The following TFB1M variants were observed in gnomAD, a reference collection of about 807,000 sequenced individuals.
TFB1M encodes the protein transcription factor B1, mitochondrial.
A neutral mutation model predicts 31.1 loss-of-function variants in TFB1M; 27 were observed. That is an observed-to-expected ratio of 0.87 (90% CI 0.64 to 1.20). TFB1M has a LOEUF of 1.20. TFB1M is among the 50% of genes most tolerant of loss of function. TFB1M has a pLI of 0.00. For missense variants in TFB1M, 394 were observed against 418.7 expected, an observed-to-expected ratio of 0.94 and a Z score of 0.51; for synonymous variants, 166 against 151.8, an observed-to-expected ratio of 1.09 and a Z score of -0.69.
intron 2 of TFB1M, among the ~76,000 whole-genome samples, chr6:155,305,256 ATT>A (rs1332109013): frequency 2.5e-5 from 1 of 39,438 alleles, no homozygotes; most frequent in African/African-American, 1.1e-4. Context: ...TTATATATAT[ATT>A]AAATTATATA....
chr6:155,281,050 A>C (rs748556948), intron 5 of TFB1M, among the ~76,000 whole-genome samples: 2 of 152,234 alleles, frequency 1.3e-5, no homozygotes, highest in South Asian at 4.1e-4. Context: ...TATAAATTCT[A>C]TATATAGCTT....
intron 2 of TFB1M, among the ~76,000 whole-genome samples, chr6:155,302,053 G>C (rs1023609110): frequency 1.3e-5 from 2 of 152,122 alleles, no homozygotes; most frequent in Admixed American, 1.3e-4. Flanking sequence ...CTCTGCAGGG[G>C]GCAAGTAATT....
At position 155,296,965 on chromosome 6, in the gene TFB1M, C is replaced by G; in HGVS notation, c.534G>C (p.Lys178Asn). The G allele has an allele frequency of 6.2e-7, 1 of 1,613,916 alleles. No homozygotes were observed. Among genetic ancestry groups the G allele is most frequent in the Non-Finnish European group, 8.5e-7 (1 of 1,179,914 alleles). Residue 178 changes from lysine to asparagine, a missense_variant, in exon 4 of 7, where the codon AAG becomes AAC. Lys to Asn is a moderately conservative substitution (Grantham distance 94). Transcript: ENST00000367166. ...GRTQMTLTFQ[K>N]EVAERLAANT... ...TGTTAAAACTTACCTCTGCCACTTC[C>G]TTTTGAAAAGTCAAAGTCATCTGAG... is the stretch of plus-strand genomic sequence containing the variant.
At position 155,257,801 on chromosome 6, in the gene TFB1M, C is replaced by T. The variant is rs1784167930; in HGVS notation, c.*35G>A. ...ATAAGAAGCTCCACGTAGTGCAAAT[C>T]GACATCTGGTAGGCTGCTCGCCCCC... is the stretch of plus-strand genomic sequence containing the variant. On this transcript the variant is annotated 3_prime_UTR_variant, in exon 7 of 7. Coordinates refer to ENST00000367166, the MANE Select transcript of TFB1M (RefSeq NM_016020.4). 5 of 1,613,198 alleles carry T rather than the reference C, an allele frequency of 3.1e-6. No individual in the cohort carries two copies. Among genetic ancestry groups the T allele is most frequent in the South Asian group, 2.2e-5 (2 of 90,902 alleles).
chr6:155,251,667 T>C (rs1783662801), downstream of TFB1M, among the ~76,000 whole-genome samples: 1 of 152,234 alleles, frequency 6.6e-6, no homozygotes, highest in African/African-American at 2.4e-5. Flanking sequence ...CAGTATATTG[T>C]CACTGAGATG....
At chr6:155,243,846 CAAAAAAAAAAAAAA>C in the TFB1M span, among the ~76,000 whole-genome samples, 17 of 55,056 alleles carry the variant, frequency 3.1e-4, no homozygotes, top group African/African-American at 6.5e-4. Flanking sequence ...GACTCCGTCT[CAAAAAAAAAAAAAA>C]AAAAAAAAAA....
downstream of TFB1M, chr6:155,253,260 A>T (rs1328184633): frequency 6.0e-5 from 30 of 499,350 alleles, no homozygotes; most frequent in Admixed American, 2.4e-4. Flanking sequence ...TCTTTGCCAA[A>T]TGCCTTTCAT....
intron 2 of TFB1M, among the ~76,000 whole-genome samples, chr6:155,302,421 AGAC>A (rs1464640735): frequency 3.6e-4 from 55 of 152,216 alleles, no homozygotes; most frequent in Non-Finnish European, 6.0e-4. Flanking sequence ...CACATATAAA[AGAC>A]TACTGCTATT....
At chr6:155,303,333 G>A (rs528068755) in intron 2 of TFB1M, 3 of 152,128 alleles carry the variant, frequency 2.0e-5, no homozygotes, top group Non-Finnish European at 2.9e-5. Flanking sequence ...CAATAGTTAC[G>A]AAGGTGTTTT....
the TFB1M span, chr6:155,249,904 A>G: frequency 1.1e-5 from 18 of 1,614,160 alleles, no homozygotes; most frequent in South Asian, 1.9e-4. Flanking sequence ...GATGCAGAAG[A>G]TCTATGAGGA....
chr6:155,251,851 G>T, downstream of TFB1M: 1 of 960,572 alleles, frequency 1.0e-6, no homozygotes, highest in South Asian at 1.5e-5. Flanking sequence ...TCATACGTTT[G>T]GAGAGTGTTA....
chr6:155,262,209 G>A (rs1020245804), intron 5 of TFB1M, among the ~76,000 whole-genome samples: 4 of 152,122 alleles, frequency 2.6e-5, no homozygotes, highest in African/African-American at 7.2e-5. Context: ...TTTCAGCTCA[G>A]GGCAGTTCTG....
chr6:155,247,477 C>T, the TFB1M span, among the ~76,000 whole-genome samples: 1 of 151,962 alleles, frequency 6.6e-6, no homozygotes, highest in African/African-American at 2.4e-5. Flanking sequence ...TAGAGGCGCC[C>T]ACCACCACGC....
chr6:155,297,882 C>T (rs976588767), intron 3 of TFB1M, among the ~76,000 whole-genome samples: 2 of 152,188 alleles, frequency 1.3e-5, no homozygotes, highest in African/African-American at 4.8e-5. Context: ...ACTGCAAGTG[C>T]GGCCCAACTG....
chr6:155,254,872 C>A, downstream of TFB1M: 1 of 294,450 alleles, frequency 3.4e-6, no homozygotes, highest in East Asian at 5.7e-5. Flanking sequence ...CTGCTGTATT[C>A]CCAGTGCTCA....
intron 5 of TFB1M, among the ~76,000 whole-genome samples, chr6:155,269,324 C>CTTTTTTTTTTTTTTTTTTTTT (rs60162262): frequency 7.9e-6 from 1 of 127,270 alleles, no homozygotes; most frequent in Non-Finnish European, 1.6e-5. Flanking sequence ...CTTTTCTTTT[C>CTTTTTTTTTTTTTTTTTTTTT]TTTTTTTTTT....
chr6:155,306,996 C>T (rs1160061053), intron 2 of TFB1M, among the ~76,000 whole-genome samples: 1 of 152,060 alleles, frequency 6.6e-6, no homozygotes, highest in African/African-American at 2.4e-5. Context: ...TGGTGTGCAC[C>T]TGTAGTTCCA....
At chr6:155,248,178 G>C in the TFB1M span, 18 of 1,612,656 alleles carry the variant, frequency 1.1e-5, no homozygotes, top group Non-Finnish European at 1.5e-5. Context: ...ACCACCTGAC[G>C]GGTGAGGCGG....
In TFB1M at chr6:155,311,237, G is replaced by A. The variant is rs753934672; in HGVS notation, c.236C>T (p.Ala79Val). 3.0e-5 allele frequency: 48 copies of A among 1,613,986 alleles called. 2 individuals are homozygous for A. In the South Asian group the frequency reaches 5.2e-4, roughly 17 times the overall value. The change falls in exon 2 of 7, where the codon GCT becomes GTT. Residue 79 changes from alanine to valine, a missense_variant. This residue lies in a region of TFB1M where 273 missense variants were observed against 256.4 expected (regional missense o/e 1.06). Transcript: ENST00000367166. ...ITRSILNADVAELLVVEKDTR... is the reference protein window; with the variant it reads ...ITRSILNADVVELLVVEKDTR... ...GTCCTTTTCAACCACCAGAAGTTCA[G>A]CGACGTCGGCATTAAGAATAGATCT...
Sources: allele counts gnomAD v4.1 joint callset (sites outside exome capture counted in the v4.1 genomes callset), GRCh38; gene constraint gnomAD v4.1.1; regional missense constraint gnomAD v4.1.1; transcripts MANE v1.5; gene names NCBI Gene and HGNC (gene_info 2026-07-23, HGNC 2026-07-21).